HK2: variants seen among roughly 807,000 people sequenced by gnomAD.
The protein encoded by HK2 is hexokinase 2.
HK2 carries 42 observed loss-of-function variants against 92.9 expected under a neutral mutation model. The observed-to-expected ratio is 0.45, with a 90% CI of 0.35 to 0.58. HK2 has a LOEUF of 0.58. HK2 is among the 20% of genes least tolerant of loss of function. HK2 has a pLI of 0.00. For synonymous variants in HK2, 422 were observed against 468.0 expected, an observed-to-expected ratio of 0.90 and a Z score of 1.27; for missense variants, 978 against 1,245.1, an observed-to-expected ratio of 0.79 and a Z score of 3.23.
At chr2:74,878,626 G>A (rs1377382606) in intron 8 of HK2, 62 bp from the exon 9 acceptor site, 4 of 1,351,500 alleles carry the variant, frequency 3.0e-6, no homozygotes, top group African/African-American at 1.4e-5. Flanking sequence ...GCCACCCCCC[G>A]ACACACACAC....
chr2:74,840,971 T>C (rs1176953278), intron 1 of HK2, among the ~76,000 whole-genome samples: 2 of 149,172 alleles, frequency 1.3e-5, no homozygotes, highest in African/African-American at 2.5e-5. Context: ...CATATCACAC[T>C]CTGTGGATCA....
At chr2:74,863,435 T>C (rs140043415) in intron 2 of HK2, among the ~76,000 whole-genome samples, 114 of 152,338 alleles carry the variant, frequency 7.5e-4, no homozygotes, top group African/African-American at 2.6e-3. Context: ...ACACGGAGTA[T>C]TGAATACTTC....
At chr2:74,858,989 A>G (rs1486994463) in intron 2 of HK2, among the ~76,000 whole-genome samples, 1 of 152,256 alleles carries the variant, frequency 6.6e-6, no homozygotes, top group Non-Finnish European at 1.5e-5. Flanking sequence ...TAAAAGTGCA[A>G]TAGACATAAA....
intron 3 of HK2, among the ~76,000 whole-genome samples, chr2:74,870,751 G>A (rs185048103): frequency 2.0e-5 from 3 of 152,130 alleles, no homozygotes; most frequent in Non-Finnish European, 4.4e-5. Context: ...CTGTTCAAGG[G>A]AGTTGGCTCA....
chr2:74,882,365 T>C, intron 12 of HK2, 126 bp downstream of exon 12: 3 of 1,407,112 alleles, frequency 2.1e-6, no homozygotes, highest in South Asian at 1.2e-5. Context: ...TTACCAGTAG[T>C]GGGGAGGGGC....
chr2:74,860,110 A>G (rs1353558942), intron 2 of HK2, among the ~76,000 whole-genome samples: 1 of 150,694 alleles, frequency 6.6e-6, no homozygotes, highest in Non-Finnish European at 1.5e-5. Flanking sequence ...TGGGAGCTAA[A>G]CAGTGTGTCC....
At chr2:74,840,183 T>C (rs1688270858) in intron 1 of HK2, among the ~76,000 whole-genome samples, 1 of 151,338 alleles carries the variant, frequency 6.6e-6, no homozygotes, top group Non-Finnish European at 1.5e-5. Flanking sequence ...TGGTCTTATC[T>C]CCTGACCTCA....
intron 1 of HK2, among the ~76,000 whole-genome samples, chr2:74,848,340 A>T (rs1311588887): frequency 2.0e-5 from 3 of 152,266 alleles, no homozygotes; most frequent in African/African-American, 7.2e-5. Context: ...ATTTCTTAAA[A>T]TTTTTAAGAA....
intron 1 of HK2, among the ~76,000 whole-genome samples, chr2:74,839,570 A>G (rs1235832553): frequency 6.6e-6 from 1 of 151,978 alleles, no homozygotes; most frequent in East Asian, 1.9e-4. Context: ...TTTGTTTTAT[A>G]TTGCCAAACT....
rs1268516660 is a variant in HK2 at position 74,892,937 on chromosome 2, G to C, written c.*1996G>C. 3 of 151,890 alleles carry C rather than the reference G, an allele frequency of 2.0e-5. No homozygotes were observed. Among genetic ancestry groups the C allele is most frequent in the African/African-American group, 7.3e-5 (3 of 41,306 alleles). The allele number at this position is 151,890 out of a possible 1,614,324, so 9.4% of individuals were successfully genotyped here. ...CTACACAAAAGCCAAAAGGTTTCAT[G>C]TAGATTTTAGTTCACTAAAGGGTGC... On this transcript the variant is annotated 3_prime_UTR_variant, in exon 18 of 18. Transcript: ENST00000290573.
intron 13 of HK2, among the ~76,000 whole-genome samples, chr2:74,885,885 C>CACACACACACACACACACACACAG (rs58908262): frequency 6.7e-6 from 1 of 148,420 alleles, no homozygotes; most frequent in African/African-American, 2.5e-5. Context: ...CACACACACA[C>CACACACACACACACACACACACAG]AGTAAAGGAA....
intron 1 of HK2, among the ~76,000 whole-genome samples, chr2:74,841,073 T>TA (rs1307024084): frequency 3.9e-5 from 6 of 152,182 alleles, no homozygotes; most frequent in Admixed American, 2.0e-4. Flanking sequence ...TTGGGACAGA[T>TA]ACGTTTTTTG....
At chr2:74,877,344 C>G (rs1689260090) in intron 8 of HK2, 23 bp downstream of exon 8, 1 of 1,613,840 alleles carries the variant, frequency 6.2e-7, no homozygotes. Context: ...CCAGCCCCCT[C>G]TATTTGCTGG....
chr2:74,840,425 C>A (rs1051284868), intron 1 of HK2, among the ~76,000 whole-genome samples: 1 of 151,998 alleles, frequency 6.6e-6, no homozygotes, highest in African/African-American at 2.4e-5. Flanking sequence ...CTTGGAGCCC[C>A]AGAAAACTGG....
In HK2 at chr2:74,892,687, C is replaced by G. The variant is rs557088611; in HGVS notation, c.*1746C>G. 6.6e-5 allele frequency: 10 copies of G among 152,328 alleles called. No homozygotes were observed. The highest frequency in any genetic ancestry group is 2.4e-4 in the African/African-American group (10 of 41,566). The allele number at this position is 152,328 out of a possible 1,614,324, so 9.4% of individuals were successfully genotyped here. On this transcript the variant is annotated 3_prime_UTR_variant, in exon 18 of 18. Coordinates refer to ENST00000290573, the MANE Select transcript of HK2 (RefSeq NM_000189.5). ...AAAGAAACTCACGATGAAATTGAAC[C>G]TGGTTTTTGTATATTTATCAAACTT...
At chr2:74,860,537 T>G (rs1573369572) in intron 2 of HK2, among the ~76,000 whole-genome samples, 1 of 152,196 alleles carries the variant, frequency 6.6e-6, no homozygotes, top group African/African-American at 2.4e-5. Flanking sequence ...ATGCAAGTCT[T>G]TTTTTATTTG....
intron 8 of HK2, among the ~76,000 whole-genome samples, chr2:74,878,434 T>TGCACACGCACATGC (rs1558801851): frequency 7.3e-4 from 107 of 146,480 alleles, no homozygotes; most frequent in African/African-American, 2.6e-3. Context: ...TGTGTGTGTG[T>TGCACACGCACATGC]GTGTGCGCAC....
intron 3 of HK2, among the ~76,000 whole-genome samples, chr2:74,869,250 A>G (rs1035641798): frequency 6.6e-6 from 1 of 152,214 alleles, no homozygotes; most frequent in Non-Finnish European, 1.5e-5. Flanking sequence ...AAATATAGGT[A>G]TCTTTGATCC....
intron 9 of HK2, 46 bp downstream of exon 9, chr2:74,878,967 C>T (rs775717701): frequency 5.4e-6 from 8 of 1,480,336 alleles, no homozygotes; most frequent in South Asian, 4.8e-5. Context: ...CCTGGAGTAC[C>T]TGGGGCTGAG....
Sources: allele counts gnomAD v4.1 joint callset (sites outside exome capture counted in the v4.1 genomes callset), GRCh38; gene constraint gnomAD v4.1.1; transcripts MANE v1.5; gene names NCBI Gene and HGNC (gene_info 2026-07-23, HGNC 2026-07-21).